NELL1: variants seen among roughly 807,000 people sequenced by gnomAD.
The protein encoded by NELL1 is neural EGFL like 1.
Under a neutral mutation model 107.4 loss-of-function variants are expected in NELL1, and 76 were observed. The observed-to-expected ratio is 0.71, with a 90% CI of 0.59 to 0.86. The LOEUF (loss-of-function observed/expected upper bound fraction) is 0.86. Among genes scored for constraint, NELL1 ranks in the 40% least tolerant of loss-of-function variants. The pLI is 0.00. For synonymous variants in NELL1, 353 were observed against 341.2 expected, an observed-to-expected ratio of 1.03 and a Z score of -0.38; for missense variants, 1,024 against 1,005.5, an observed-to-expected ratio of 1.02 and a Z score of -0.25.
chr11:21,547,275 C>T (rs80189623), intron 16 of NELL1, among the ~76,000 whole-genome samples: 20 of 151,904 alleles, frequency 1.3e-4, no homozygotes, highest in South Asian at 2.1e-4. Context: ...TGTTCCAGGA[C>T]GTGACAGCAG....
chr11:21,128,120 T>C (rs1404496375), intron 13 of NELL1, among the ~76,000 whole-genome samples: 1 of 152,166 alleles, frequency 6.6e-6, no homozygotes, highest in African/African-American at 2.4e-5. Flanking sequence ...GTTTTCTATT[T>C]AGGGACATTT....
chr11:21,292,328 A>G (rs1052269657), intron 14 of NELL1, among the ~76,000 whole-genome samples: 1 of 152,196 alleles, frequency 6.6e-6, no homozygotes, highest in African/African-American at 2.4e-5. Context: ...CCTATTCACA[A>G]TTGCTACCAA....
At chr11:21,173,766 T>C (rs1237054673) in intron 13 of NELL1, among the ~76,000 whole-genome samples, 1 of 151,602 alleles carries the variant, frequency 6.6e-6, no homozygotes, top group Non-Finnish European at 1.5e-5. Context: ...TGTGTGTGTC[T>C]GTGTGTCTGT....
chr11:21,489,008 A>G (rs1487420184), intron 15 of NELL1, among the ~76,000 whole-genome samples: 2 of 152,066 alleles, frequency 1.3e-5, no homozygotes, highest in Non-Finnish European at 1.5e-5. Flanking sequence ...CTCGTTCTTT[A>G]AAAAGGAACA....
intron 13 of NELL1, among the ~76,000 whole-genome samples, chr11:21,224,731 C>T (rs182215472): frequency 5.8e-4 from 88 of 152,226 alleles, no homozygotes; most frequent in Admixed American, 1.7e-3. Context: ...TTGAACTAGC[C>T]TATTATTGAC....
At chr11:21,519,844 T>C (rs575000584) in intron 15 of NELL1, among the ~76,000 whole-genome samples, 1 of 152,292 alleles carries the variant, frequency 6.6e-6, no homozygotes, top group South Asian at 2.1e-4. Context: ...GTAATTATAG[T>C]CCAGGTTGGG....
At chr11:20,911,641 T>C (rs1290943614) in intron 5 of NELL1, among the ~76,000 whole-genome samples, 1 of 152,158 alleles carries the variant, frequency 6.6e-6, no homozygotes, top group Non-Finnish European at 1.5e-5. Flanking sequence ...AAAGAATAGG[T>C]GATCCCAGTG....
intron 15 of NELL1, among the ~76,000 whole-genome samples, chr11:21,460,253 T>A (rs561148261): frequency 6.6e-6 from 1 of 152,152 alleles, no homozygotes; most frequent in South Asian, 2.1e-4. Context: ...TTGGAAGAAC[T>A]AGTGTTCAGT....
intron 2 of NELL1, among the ~76,000 whole-genome samples, chr11:20,762,607 T>C (rs567458410): frequency 1.3e-5 from 2 of 152,328 alleles, no homozygotes; most frequent in East Asian, 1.9e-4. Context: ...GGTTGGAGTC[T>C]CAGTCACACC....
chr11:21,516,391 TTG>T (rs372725063), intron 15 of NELL1, among the ~76,000 whole-genome samples: 1 of 151,878 alleles, frequency 6.6e-6, no homozygotes, highest in Non-Finnish European at 1.5e-5. Flanking sequence ...TGTGTGTATC[TTG>T]TGTGTGTGTG....
intron 5 of NELL1, among the ~76,000 whole-genome samples, chr11:20,899,901 T>TA (rs3045589): frequency 2.0e-5 from 3 of 151,894 alleles, no homozygotes; most frequent in Non-Finnish European, 2.9e-5. Context: ...GGACTTCAAA[T>TA]AACTATGGTA....
At chr11:21,331,621 C>T (rs777689042) in intron 14 of NELL1, among the ~76,000 whole-genome samples, 16 of 152,182 alleles carry the variant, frequency 1.1e-4, no homozygotes, top group Non-Finnish European at 2.4e-4. Flanking sequence ...TTCAGTCAGT[C>T]ACTTTATTGT....
chr11:20,755,545 T>TTTTATTTTTTTTA (rs1564894973), intron 2 of NELL1, among the ~76,000 whole-genome samples: 3 of 40,498 alleles, frequency 7.4e-5, no homozygotes, highest in African/African-American at 2.3e-4. Flanking sequence ...TTTTTGTTTT[T>TTTTATTTTTTTTA]TTTTGTTTTT....
At chr11:20,944,435 A>C (rs1850922303) in intron 10 of NELL1, among the ~76,000 whole-genome samples, 1 of 152,164 alleles carries the variant, frequency 6.6e-6, no homozygotes, top group Non-Finnish European at 1.5e-5. Context: ...ACAATTTTTT[A>C]CTTGAAGTTG....
chr11:20,838,897 G>A (rs183770707), intron 3 of NELL1, among the ~76,000 whole-genome samples: 1 of 152,234 alleles, frequency 6.6e-6, no homozygotes, highest in East Asian at 1.9e-4. Context: ...TTGAGTTCCT[G>A]GAGATCCAAA....
At chr11:21,099,599 A>G (rs954134424) in intron 12 of NELL1, among the ~76,000 whole-genome samples, 1 of 152,142 alleles carries the variant, frequency 6.6e-6, no homozygotes, top group East Asian at 1.9e-4. Flanking sequence ...GCAGCTTGAG[A>G]CATGTATTGA....
chr11:21,088,236 A>T (rs1854443914), intron 12 of NELL1, among the ~76,000 whole-genome samples: 1 of 152,178 alleles, frequency 6.6e-6, no homozygotes, highest in African/African-American at 2.4e-5. Context: ...AAAGATACAT[A>T]GCAGCAGTTT....
At chr11:20,997,598 G>T (rs982498977) in intron 12 of NELL1, among the ~76,000 whole-genome samples, 16 of 152,156 alleles carry the variant, frequency 1.1e-4, no homozygotes, top group African/African-American at 3.6e-4. Flanking sequence ...TTAATATAAG[G>T]GGAAACTGTG....
At chr11:20,690,194 A>T (rs1416331619) in intron 2 of NELL1, among the ~76,000 whole-genome samples, 2 of 152,262 alleles carry the variant, frequency 1.3e-5, no homozygotes, top group East Asian at 1.9e-4. Flanking sequence ...CCTTTGTCAG[A>T]TGAGTAGGTT....
Sources: allele counts gnomAD v4.1 joint callset (sites outside exome capture counted in the v4.1 genomes callset), GRCh38; gene constraint gnomAD v4.1.1; transcripts MANE v1.5; gene names NCBI Gene and HGNC (gene_info 2026-07-23, HGNC 2026-07-21).